Variants in INO80D observed in about 807,000 individuals in gnomAD.
The protein encoded by INO80D is INO80 complex subunit D.
Under a neutral mutation model 87.6 loss-of-function variants are expected in INO80D, and 21 were observed. That is an observed-to-expected ratio of 0.24 (90% confidence interval 0.17 to 0.35). INO80D has a LOEUF of 0.35. Among genes scored for constraint, INO80D ranks in the 10% least tolerant of loss-of-function variants. The pLI, the probability that INO80D is intolerant of heterozygous loss-of-function variation, is 1.00. For synonymous variants in INO80D, 440 were observed against 491.0 expected (o/e 0.90, Z 1.37); for missense variants, 982 against 1,280.7 (o/e 0.77, Z 3.56).
At chr2:206,051,148 T>G (rs1689356525) in intron 4 of INO80D, among the ~76,000 whole-genome samples, 1 of 152,066 alleles carries the variant, frequency 6.6e-6, no homozygotes, top group South Asian at 2.1e-4. Context: ...AAACCCAGAC[T>G]CAAAAGAAAG....
chr2:206,009,801 A>C lies in INO80D; in HGVS notation c.1543-7T>G. The C allele has an allele frequency of 6.3e-7, 1 of 1,597,242 alleles. No homozygotes were observed. Among genetic ancestry groups the C allele is most frequent in the Non-Finnish European group, 8.5e-7 (1 of 1,170,540 alleles). On this transcript the variant is annotated splice_polypyrimidine_tract_variant and splice_region_variant and intron_variant, in intron 8 of 10. Coordinates refer to ENST00000403263, the MANE Select transcript of INO80D (RefSeq NM_017759.5). Reference sequence around the variant, plus strand: ...CTCCTCTCAAGAAATTATCCTTTGGAATGAATAAATAGGCTTTTAAATTGA... The same window carrying C: ...CTCCTCTCAAGAAATTATCCTTTGGCATGAATAAATAGGCTTTTAAATTGA...
rs931922747 is a variant in INO80D, at chr2:206,022,787, C to T, written c.1299-2942G>A. Reference sequence around the variant, plus strand: ...GGAGTGCAATGGTGCAATCTCAGCTCACTGCAAGTTCTGCCTCCCGGGTTC... The same window carrying T: ...GGAGTGCAATGGTGCAATCTCAGCTTACTGCAAGTTCTGCCTCCCGGGTTC... On this transcript the variant is annotated intron_variant, in intron 6 of 10. Transcript: ENST00000403263. Among the ~76,000 whole-genome samples, 4 of 152,244 alleles carry T rather than the reference C, an allele frequency of 2.6e-5. No homozygotes were observed. In the East Asian group the frequency reaches 7.8e-4, roughly 30 times the overall value.
At chr2:206,018,204 G>A (rs536450482) in intron 7 of INO80D, among the ~76,000 whole-genome samples, 21 of 152,278 alleles carry the variant, frequency 1.4e-4, no homozygotes, top group South Asian at 8.3e-4. Context: ...GCAATGGCAC[G>A]ATCTCAGCTC....
rs142415511 is a variant in INO80D at position 206,045,613 on chromosome 2, C to T, written c.1073+891G>A. ...AGATCTTAGACAAACACTTCTTTTCCGAAGACATAACATGGGGAAAAAAAC... is the reference window on the plus strand; with the variant it reads ...AGATCTTAGACAAACACTTCTTTTCTGAAGACATAACATGGGGAAAAAAAC... On this transcript the variant is annotated intron_variant, in intron 5 of 10. Transcript: ENST00000403263. 9.9e-5 allele frequency among the ~76,000 whole-genome samples: 15 copies of T among 151,846 alleles called. No homozygotes were observed. In the East Asian group the frequency reaches 2.1e-3, roughly 22 times the overall value.
At chr2:206,063,106 T>G (rs1043234723) in intron 2 of INO80D, 45 bp downstream of exon 2, 1 of 890,060 alleles carries the variant, frequency 1.1e-6, no homozygotes, top group Non-Finnish European at 1.7e-6. Context: ...AAGGCAGATT[T>G]AAGTTGAGAA....
chr2:206,047,054 C>T (rs1689215186), intron 4 of INO80D, among the ~76,000 whole-genome samples: 1 of 152,196 alleles, frequency 6.6e-6, no homozygotes, highest in South Asian at 2.1e-4. Context: ...GTTGGGATTA[C>T]AGGCGTGAGC....
intron 1 of INO80D, among the ~76,000 whole-genome samples, chr2:206,084,016 G>C (rs750733821): frequency 1.3e-5 from 2 of 151,710 alleles, no homozygotes; most frequent in Non-Finnish European, 2.9e-5. Context: ...GCATAGCCAC[G>C]GGAAACATCC....
chr2:205,999,243 T>C lies in INO80D; in HGVS notation c.*5125A>G, dbSNP rs1575782881. 6.6e-6 allele frequency: 1 copy of C among 152,442 alleles called. No homozygotes were observed. Among genetic ancestry groups the C allele is most frequent in the East Asian group, 1.9e-4 (1 of 5,190 alleles). 9.4% of individuals were successfully genotyped at this position (152,442 alleles called of 1,614,324 possible). A position where few individuals can be genotyped will look rare whatever the true frequency, so the allele number is the denominator to read the frequency against. On this transcript the variant is annotated 3_prime_UTR_variant, in exon 11 of 11. Coordinates refer to ENST00000403263, the MANE Select transcript of INO80D (RefSeq NM_017759.5). Reference sequence around the variant, plus strand: ...AAACAAGTGAAAGAAGAGGATTCTATGACTCTTCGGGCGGGATGGGTACAG... The same window carrying C: ...AAACAAGTGAAAGAAGAGGATTCTACGACTCTTCGGGCGGGATGGGTACAG...
At position 205,995,125 on chromosome 2, in the gene INO80D, T is replaced by C. The variant is rs954246715; in HGVS notation, c.*9243A>G. ...GAGGCAAATTGGTGAATTAAGTTGA[T>C]CTAGGAGATGGTGGCTGACATACAC... On this transcript the variant is annotated 3_prime_UTR_variant, in exon 11 of 11. Coordinates refer to ENST00000403263, the MANE Select transcript of INO80D (RefSeq NM_017759.5). 2 of 152,200 alleles carry C rather than the reference T, an allele frequency of 1.3e-5. No homozygotes were observed. The highest frequency in any genetic ancestry group is 4.8e-5 in the African/African-American group (2 of 41,448). 9.4% of individuals were successfully genotyped at this position (152,200 alleles called of 1,614,324 possible).
chr2:206,026,661 A>G (rs1018334033), intron 6 of INO80D, among the ~76,000 whole-genome samples: 4 of 149,400 alleles, frequency 2.7e-5, no homozygotes, highest in African/African-American at 9.8e-5. Context: ...TTTATATATA[A>G]CAGATATTTT....
chr2:206,019,186 A>G (rs920034777), intron 7 of INO80D, among the ~76,000 whole-genome samples: 2 of 152,346 alleles, frequency 1.3e-5, no homozygotes, highest in Non-Finnish European at 1.5e-5. Flanking sequence ...AGTCACAGCA[A>G]TAAGATTTCA....
rs1201949930 is a variant in INO80D, at chr2:205,999,913, C to T, written c.*4455G>A. On this transcript the variant is annotated 3_prime_UTR_variant, in exon 11 of 11. Coordinates refer to ENST00000403263, the MANE Select transcript of INO80D (RefSeq NM_017759.5). ...TTTCTACAGAATGCCAGTGAAGATT[C>T]AGTTAATGTATTGGGCGGGGGGAAA... 6.6e-6 allele frequency: 1 copy of T among 151,972 alleles called. No homozygotes were observed. The allele number at this position is 151,972 out of a possible 1,614,324, so 9.4% of individuals were successfully genotyped here.
intron 5 of INO80D, among the ~76,000 whole-genome samples, chr2:206,030,973 T>A (rs1396542729): frequency 1.3e-5 from 2 of 152,100 alleles, no homozygotes. Context: ...GCAATCTGCA[T>A]GTATAAAGAC....
intron 1 of INO80D, among the ~76,000 whole-genome samples, chr2:206,065,737 A>G (rs895272897): frequency 4.6e-5 from 7 of 152,234 alleles, no homozygotes; most frequent in East Asian, 3.8e-4. Context: ...TGATTTGAAC[A>G]GACATTTCTC....
intron 8 of INO80D, among the ~76,000 whole-genome samples, chr2:206,014,914 G>A (rs1009387454): frequency 6.6e-6 from 1 of 152,174 alleles, no homozygotes; most frequent in African/African-American, 2.4e-5. Context: ...CCAGGCTGAG[G>A]TGGTCTCAGA....
rs1687822528 is a variant in INO80D, at chr2:205,997,074, G to T, written c.*7294C>A. 6.6e-6 allele frequency: 1 copy of T among 151,982 alleles called. No homozygotes were observed. The highest frequency in any genetic ancestry group is 1.5e-5 in the Non-Finnish European group (1 of 67,926). 9.4% of individuals were successfully genotyped at this position (151,982 alleles called of 1,614,324 possible). A position where few individuals can be genotyped will look rare whatever the true frequency, so the allele number is the denominator to read the frequency against. Reference sequence around the variant, plus strand: ...AACTACAAATTCAGGTATATTATCAGAAGTTGCTTTGACATATTTCAAAGT... The same window carrying T: ...AACTACAAATTCAGGTATATTATCATAAGTTGCTTTGACATATTTCAAAGT... On this transcript the variant is annotated 3_prime_UTR_variant, in exon 11 of 11. Transcript: ENST00000403263.
At chr2:206,018,770 T>C (rs1038738108) in intron 7 of INO80D, among the ~76,000 whole-genome samples, 1 of 152,056 alleles carries the variant, frequency 6.6e-6, no homozygotes, top group African/African-American at 2.4e-5. Context: ...GGCATGGTGG[T>C]GCATGCCTGT....
At chr2:206,024,818 C>T (rs1688559658) in intron 6 of INO80D, among the ~76,000 whole-genome samples, 1 of 152,024 alleles carries the variant, frequency 6.6e-6, no homozygotes, top group South Asian at 2.1e-4. Flanking sequence ...TGCAGTGGCA[C>T]AATCTCGGCT....
At position 206,056,783 on chromosome 2, in the gene INO80D, C is replaced by T; in HGVS notation, c.379G>A (p.Asp127Asn). ...TLALKMPNGL[D>N]GMSLSPPGAR... ...CCAGGTGGAGAGAGGGACATTCCAT[C>T]CAGTCCGTTGGGCATCTTCAAGGCC... Residue 127 changes from aspartate to asparagine, a missense_variant, in exon 4 of 11, where the codon GAT becomes AAT. By Grantham distance (23) the Asp-to-Asn change is conservative. Transcript: ENST00000403263. The T allele has an allele frequency of 6.2e-7, 1 of 1,612,730 alleles. No individual in the cohort carries two copies. Among genetic ancestry groups the T allele is most frequent in the Non-Finnish European group, 8.5e-7 (1 of 1,179,350 alleles).
Sources: allele counts gnomAD v4.1 joint callset (sites outside exome capture counted in the v4.1 genomes callset), GRCh38; gene constraint gnomAD v4.1.1; transcripts MANE v1.5; gene names NCBI Gene and HGNC (gene_info 2026-07-23, HGNC 2026-07-21).